The following AFF1 variants were observed in gnomAD, a reference collection of about 807,000 sequenced individuals.
AFF1 encodes AF4/FMR2 family member 1.
AFF1 carries 48 observed loss-of-function variants against 121.7 expected under a neutral mutation model. The ratio of observed to expected loss-of-function variants is 0.39; its 90% confidence interval spans 0.31 to 0.50. AFF1 has a LOEUF of 0.50. Among genes scored for constraint, AFF1 ranks in the 20% least tolerant of loss-of-function variants. AFF1 has a pLI of 0.76. For synonymous variants in AFF1, 613 were observed against 563.0 expected (o/e 1.09, Z -1.26); for missense variants, 1,523 against 1,511.7 (o/e 1.01, Z -0.12).
chr4:87,106,815 C>T (rs1185816709), intron 10 of AFF1, among the ~76,000 whole-genome samples: 5 of 152,128 alleles, frequency 3.3e-5, no homozygotes, highest in African/African-American at 7.2e-5. Flanking sequence ...AAAATCTTGT[C>T]CATTATGCAG....
chr4:87,055,257 C>A (rs1024189583), intron 4 of AFF1, among the ~76,000 whole-genome samples: 4 of 152,276 alleles, frequency 2.6e-5, no homozygotes, highest in Non-Finnish European at 4.4e-5. Context: ...AATATAGACA[C>A]AATATTTTTG....
At chr4:87,025,805 G>T (rs962853014) in intron 2 of AFF1, among the ~76,000 whole-genome samples, 3 of 152,180 alleles carry the variant, frequency 2.0e-5, no homozygotes, top group Non-Finnish European at 4.4e-5. Context: ...TCCTATGCAT[G>T]GGGATGTTTG....
At position 87,105,789 on chromosome 4, in the gene AFF1, C is replaced by T; in HGVS notation, c.1339-19C>T. 1 of 1,614,026 alleles carries T rather than the reference C, an allele frequency of 6.2e-7. No homozygotes were observed. The highest frequency in any genetic ancestry group is 1.7e-5 in the Admixed American group (1 of 59,992). ...TTGTTCTTTTCCTGGTCTTTCTTCC[C>T]CTTATTGTGAATGCCTAGACCCCAG... is the stretch of plus-strand genomic sequence containing the variant. On this transcript the variant is annotated intron_variant, in intron 9 of 20. Coordinates refer to ENST00000395146, the MANE Select transcript of AFF1 (RefSeq NM_001166693.3).
At chr4:87,127,980 C>T (rs1418148194) in intron 16 of AFF1, among the ~76,000 whole-genome samples, 1 of 152,180 alleles carries the variant, frequency 6.6e-6, no homozygotes, top group East Asian at 1.9e-4. Flanking sequence ...GGCAGATATA[C>T]AAAGGACCTA....
chr4:87,002,313 C>G (rs1725787209), intron 2 of AFF1, among the ~76,000 whole-genome samples: 1 of 151,138 alleles, frequency 6.6e-6, no homozygotes, highest in African/African-American at 2.4e-5. Flanking sequence ...CCAGGTTGGT[C>G]TTCAACTCCT....
intron 2 of AFF1, among the ~76,000 whole-genome samples, chr4:86,962,732 G>A (rs1205135281): frequency 6.6e-6 from 1 of 152,100 alleles, no homozygotes; most frequent in East Asian, 1.9e-4. Flanking sequence ...TCTGATTTTT[G>A]TTACTCTGGA....
chr4:87,080,929 C>T (rs1007841988), intron 4 of AFF1, among the ~76,000 whole-genome samples: 1 of 152,030 alleles, frequency 6.6e-6, no homozygotes, highest in African/African-American at 2.4e-5. Context: ...TTTCAGTAGC[C>T]TCTCTTTTAA....
At chr4:86,949,180 A>ATAT (rs1560495230) in intron 2 of AFF1, among the ~76,000 whole-genome samples, 1 of 137,730 alleles carries the variant, frequency 7.3e-6, no homozygotes, top group Non-Finnish European at 1.5e-5. Context: ...ATATATATAT[A>ATAT]TTTTTTTTTT....
Position 87,131,790 on chromosome 4 carries a change from T to C in AFF1, c.3102-3T>C, listed in dbSNP as rs777209902. The C allele has an allele frequency of 3.1e-6, 5 of 1,593,498 alleles. No homozygotes were observed. The African/African-American group carries it at 5.4e-5, about 17-fold the overall frequency. On this transcript the variant is annotated splice_region_variant and splice_polypyrimidine_tract_variant and intron_variant, in intron 17 of 20. Coordinates refer to ENST00000395146, the MANE Select transcript of AFF1 (RefSeq NM_001166693.3). The stretch of plus-strand genomic sequence containing the variant: ...CCTGATGTACTTTTATATTTTCCTA[T>C]AGATTCATAATGTCATTAAAATCCT...
At chr4:87,038,591 A>AG (rs1298252514) in intron 2 of AFF1, among the ~76,000 whole-genome samples, 2 of 152,182 alleles carry the variant, frequency 1.3e-5, no homozygotes, top group African/African-American at 4.8e-5. Flanking sequence ...GAAGAACCCT[A>AG]GCATCCTGTC....
chr4:87,028,788 TA>T (rs1230745760), intron 2 of AFF1, among the ~76,000 whole-genome samples: 2 of 152,232 alleles, frequency 1.3e-5, no homozygotes, highest in African/African-American at 4.8e-5. Flanking sequence ...TAACTATTAC[TA>T]AATCATTCCC....
Position 87,137,790 on chromosome 4 carries a change from CT to C in AFF1, c.*2095del, listed in dbSNP as rs1666578804. 1 of 232,122 alleles carries C rather than the reference CT, an allele frequency of 4.3e-6. No homozygotes were observed. The highest frequency in any genetic ancestry group is 8.5e-6 in the Non-Finnish European group (1 of 117,352). 14.4% of individuals were successfully genotyped at this position (232,122 alleles called of 1,614,324 possible). On this transcript the variant is annotated 3_prime_UTR_variant, in exon 21 of 21. Coordinates refer to ENST00000395146, the MANE Select transcript of AFF1 (RefSeq NM_001166693.3). ...ATTGAAGATGTTATTTAACATCTTT[CT>C]TTTTTCCTTACTCCCTTAGCCATCC...
chr4:86,956,139 A>C (rs725030), intron 2 of AFF1, among the ~76,000 whole-genome samples: 1 of 152,146 alleles, frequency 6.6e-6, no homozygotes, highest in African/African-American at 2.4e-5. Flanking sequence ...CTGCATTTTC[A>C]AGTGAACTAG....
chr4:87,014,571 T>C (rs554118702), intron 2 of AFF1, among the ~76,000 whole-genome samples: 11 of 152,360 alleles, frequency 7.2e-5, no homozygotes, highest in African/African-American at 2.6e-4. Context: ...GTTGTAACTT[T>C]TCAATTTTTG....
intron 2 of AFF1, among the ~76,000 whole-genome samples, chr4:87,032,308 C>T (rs988424579): frequency 6.6e-6 from 1 of 152,144 alleles, no homozygotes; most frequent in Non-Finnish European, 1.5e-5. Context: ...CCTGTTCTTC[C>T]TACTTGAAAT....
At chr4:87,102,304 T>A (rs1037977857) in intron 8 of AFF1, among the ~76,000 whole-genome samples, 1 of 152,186 alleles carries the variant, frequency 6.6e-6, no homozygotes, top group African/African-American at 2.4e-5. Flanking sequence ...TTAAAGTATA[T>A]AAGGTTTAAA....
intron 1 of AFF1, among the ~76,000 whole-genome samples, chr4:86,944,672 C>G (rs1720724406): frequency 6.6e-6 from 1 of 151,572 alleles, no homozygotes; most frequent in African/African-American, 2.4e-5. Context: ...CAAAGCAGGT[C>G]TTTTACCAGC....
At position 87,115,609 on chromosome 4, in the gene AFF1, C is replaced by CTTTTTT. The variant is rs71660115; in HGVS notation, c.2466+321_2466+326dup. On this transcript the variant is annotated intron_variant, in intron 12 of 20. Coordinates refer to ENST00000395146, the MANE Select transcript of AFF1 (RefSeq NM_001166693.3). Reference sequence around the variant, plus strand: ...ATCTAGGGCCGCCCCCAACCCACCTCTTTTTTTTTTTTTTTTCCAAAGACA... The same window carrying CTTTTTT: ...ATCTAGGGCCGCCCCCAACCCACCTCTTTTTTTTTTTTTTTTTTTTTTCCAAAGACA... Among the ~76,000 whole-genome samples, 3 of 40,654 alleles carry CTTTTTT rather than the reference C, an allele frequency of 7.4e-5. 1 individual carries two copies. Among genetic ancestry groups the CTTTTTT allele is most frequent in the Non-Finnish European group, 1.4e-4 (3 of 22,090 alleles). The allele number at this position is 40,654 out of a possible 152,430, so 26.7% of individuals were successfully genotyped here. A position where few individuals can be genotyped will look rare whatever the true frequency, so the allele number is the denominator to read the frequency against.
chr4:87,125,329 A>C lies in AFF1; in HGVS notation c.2573+186A>C, dbSNP rs1728126489. Reference sequence around the variant, plus strand: ...AGGACCTTACAGGAATTAACAATTCATGTGGCAGCAAATTTAGATTTATCA... The same window carrying C: ...AGGACCTTACAGGAATTAACAATTCCTGTGGCAGCAAATTTAGATTTATCA... On this transcript the variant is annotated intron_variant, in intron 13 of 20. Coordinates refer to ENST00000395146, the MANE Select transcript of AFF1 (RefSeq NM_001166693.3). 4 of 398,118 alleles carry C rather than the reference A, an allele frequency of 1.0e-5. No individual in the cohort carries two copies. In the South Asian group the frequency reaches 5.0e-4, roughly 50 times the overall value. The allele number at this position is 398,118 out of a possible 1,614,324, so 24.7% of individuals were successfully genotyped here. A position where few individuals can be genotyped will look rare whatever the true frequency, so the allele number is the denominator to read the frequency against.
Sources: gnomAD v4.1 joint callset for allele counts (sites outside exome capture counted in the v4.1 genomes callset) on GRCh38, gnomAD v4.1.1 for gene constraint, MANE v1.5 for transcripts, NCBI Gene and HGNC (gene_info 2026-07-23, HGNC 2026-07-21) for gene names.